HK1: variants seen among roughly 807,000 people sequenced by gnomAD.
The protein encoded by HK1 is hexokinase-1.
HK1 carries 28 observed loss-of-function variants against 91.6 expected under a neutral mutation model. That is an observed-to-expected ratio of 0.31 (90% CI 0.23 to 0.42). HK1 has a LOEUF of 0.42. Among genes scored for constraint, HK1 ranks in the 10% least tolerant of loss-of-function variants. The probability of loss-of-function intolerance (pLI) is 1.00; values close to 1 mark genes in which losing one functional copy is unlikely to be tolerated. For missense variants in HK1, 770 were observed against 1,219.8 expected, an observed-to-expected ratio of 0.63 and a Z score of 5.49; for synonymous variants, 430 against 468.1, an observed-to-expected ratio of 0.92 and a Z score of 1.05.
chr10:69,272,690 G>T (rs564123725), intron 1 of HK1, among the ~76,000 whole-genome samples: 11 of 150,910 alleles, frequency 7.3e-5, no homozygotes, highest in South Asian at 2.1e-4. Context: ...TGTTTGTAAG[G>T]GTTTCTCTTT....
intron 2 of HK1, among the ~76,000 whole-genome samples, chr10:69,287,959 C>T (rs1360465408): frequency 2.1e-5 from 3 of 143,896 alleles, no homozygotes; most frequent in Non-Finnish European, 3.0e-5. Context: ...GGCAACATAG[C>T]AAGACACTGT....
At chr10:69,276,794 C>A (rs1244036395) in intron 1 of HK1, among the ~76,000 whole-genome samples, 1 of 148,990 alleles carries the variant, frequency 6.7e-6, no homozygotes, top group Non-Finnish European at 1.5e-5. Context: ...TAACTATTAT[C>A]TTTATATATA....
intron 1 of HK1, among the ~76,000 whole-genome samples, chr10:69,321,151 T>C (rs1846999826): frequency 6.6e-6 from 1 of 152,224 alleles, no homozygotes; most frequent in Non-Finnish European, 1.5e-5. Flanking sequence ...GGGGAGTACG[T>C]GGATTCCTGC....
At chr10:69,280,017 G>A (rs555647187) in intron 1 of HK1, among the ~76,000 whole-genome samples, 5 of 152,226 alleles carry the variant, frequency 3.3e-5, no homozygotes, top group Non-Finnish European at 7.3e-5. Context: ...ACACGAGGAA[G>A]GATGAAAGGA....
Position 69,389,214 on chromosome 10 carries a change from G to A in HK1, c.1953G>A (p.Val651=). The A allele has an allele frequency of 5.0e-6, 8 of 1,613,956 alleles. No homozygotes were observed. Among genetic ancestry groups the A allele is most frequent in the Non-Finnish European group, 5.9e-6 (7 of 1,179,858 alleles). The change falls in exon 14 of 18, where the codon GTG becomes GTA. Residue 651 remains valine (V), a synonymous_variant. Transcript: ENST00000359426. ...TTGCAAAGGAATTTGACCTGGACGT[G>A]GTGGCTGTGGTCAACGACACAGTGG... ...IKRREEFDLD[V]VAVVNDTVGT...
upstream of HK1, chr10:69,315,954 G>A (rs151233119): frequency 2.0e-4 from 328 of 1,614,052 alleles, no homozygotes; most frequent in Non-Finnish European, 2.7e-4. Flanking sequence ...TGTATATCCA[G>A]ATGGACTGTG....
chr10:69,374,328 C>T (rs969340519), intron 7 of HK1, among the ~76,000 whole-genome samples: 3 of 152,240 alleles, frequency 2.0e-5, no homozygotes, highest in African/African-American at 4.8e-5. Flanking sequence ...TCCCCCATCT[C>T]AGCCCTTCCT....
At chr10:69,399,034 T>A (rs1320844320) in intron 17 of HK1, among the ~76,000 whole-genome samples, 1 of 152,092 alleles carries the variant, frequency 6.6e-6, no homozygotes, top group Non-Finnish European at 1.5e-5. Flanking sequence ...GACAGAGAAG[T>A]GGCTTCACTT....
rs1358670747 is a variant in HK1, at chr10:69,389,360, G to T, written c.2035+64G>T. 6 of 1,239,238 alleles carry T rather than the reference G, an allele frequency of 4.8e-6. No homozygotes were observed. The South Asian group carries it at 7.7e-5, about 16-fold the overall frequency. The allele number at this position is 1,239,238 out of a possible 1,614,324, so 76.8% of individuals were successfully genotyped here. A position where few individuals can be genotyped will look rare whatever the true frequency, so the allele number is the denominator to read the frequency against. Reference sequence around the variant, plus strand: ...AGGCTGGGGTTTCCCCGTTTTGTGGGGCCTTGGCCCAGCAGCTTGGTCCTC... The same window carrying T: ...AGGCTGGGGTTTCCCCGTTTTGTGGTGCCTTGGCCCAGCAGCTTGGTCCTC... On this transcript the variant is annotated intron_variant, in intron 14 of 17. Transcript: ENST00000359426.
chr10:69,305,595 C>A (rs1229388201), intron 5 of HK1, among the ~76,000 whole-genome samples: 1 of 152,006 alleles, frequency 6.6e-6, no homozygotes, highest in Non-Finnish European at 1.5e-5. Context: ...TAGTTCACAC[C>A]TGTAATCCCA....
At chr10:69,396,429 C>T (rs1309764599) in intron 16 of HK1, among the ~76,000 whole-genome samples, 1 of 152,072 alleles carries the variant, frequency 6.6e-6, no homozygotes, top group Non-Finnish European at 1.5e-5. Context: ...CAGCTATCAC[C>T]ACCATCCATT....
chr10:69,277,522 C>T (rs1844529374), intron 1 of HK1, among the ~76,000 whole-genome samples: 1 of 152,128 alleles, frequency 6.6e-6, no homozygotes, highest in Non-Finnish European at 1.5e-5. Context: ...GAGCCATGAT[C>T]ATGCCACTGC....
At chr10:69,327,879 G>A (rs1453321101) in intron 1 of HK1, among the ~76,000 whole-genome samples, 1 of 152,136 alleles carries the variant, frequency 6.6e-6, no homozygotes, top group African/African-American at 2.4e-5. Flanking sequence ...AGAGTCCCAC[G>A]GACTGAAGTT....
At chr10:69,391,336 A>G (rs1839887365) in intron 14 of HK1, among the ~76,000 whole-genome samples, 1 of 152,246 alleles carries the variant, frequency 6.6e-6, no homozygotes, top group African/African-American at 2.4e-5. Flanking sequence ...ACGACCAACC[A>G]TCCTTGTCGA....
chr10:69,380,113 T>C lies in HK1; in HGVS notation c.1265+18T>C. The C allele has an allele frequency of 1.3e-6, 2 of 1,586,120 alleles. No individual in the cohort carries two copies. The highest frequency in any genetic ancestry group is 1.3e-5 in the African/African-American group (1 of 74,550). On this transcript the variant is annotated intron_variant, in intron 9 of 17. Coordinates refer to ENST00000359426, the MANE Select transcript of HK1 (RefSeq NM_000188.3). This position sits in a 1 kb window ranked among gnomAD's most constrained non-coding sequence, Gnocchi z 4.0. ...CACCCACAGTGAGTCTGCCCTTTGC[T>C]ATCATTGGCACTCTGTACCCATTGT... is the stretch of plus-strand genomic sequence containing the variant.
chr10:69,280,729 C>T (rs911084078), intron 1 of HK1, among the ~76,000 whole-genome samples: 4 of 152,188 alleles, frequency 2.6e-5, no homozygotes, highest in African/African-American at 7.2e-5. Flanking sequence ...GTGACTTAAT[C>T]TTGGATTTGC....
At chr10:69,396,161 A>G (rs1840125393) in intron 16 of HK1, among the ~76,000 whole-genome samples, 2 of 151,036 alleles carry the variant, frequency 1.3e-5, no homozygotes, top group Non-Finnish European at 2.9e-5. Flanking sequence ...GGTCCCAGCT[A>G]TTTGGGAGGC....
At chr10:69,363,473 G>A (rs1849540998) in intron 3 of HK1, among the ~76,000 whole-genome samples, 1 of 152,138 alleles carries the variant, frequency 6.6e-6, no homozygotes, top group South Asian at 2.1e-4. Context: ...CGACCTCCTG[G>A]GCTCAGGGGA....
chr10:69,291,162 C>T (rs1248134677), intron 3 of HK1, among the ~76,000 whole-genome samples: 1 of 152,222 alleles, frequency 6.6e-6, no homozygotes, highest in Non-Finnish European at 1.5e-5. Context: ...TTAAAGCAGG[C>T]CAGGCCAGCC....
Sources: gnomAD v4.1 joint callset for allele counts (sites outside exome capture counted in the v4.1 genomes callset) on GRCh38, gnomAD v4.1.1 for gene constraint, Gnocchi (gnomAD v3.1) non-coding constraint, MANE v1.5 for transcripts, NCBI Gene and HGNC (gene_info 2026-07-23, HGNC 2026-07-21) for gene names.